TMEM116: variants seen among roughly 807,000 people sequenced by gnomAD.
The protein encoded by TMEM116 is transmembrane protein 116.
Under a neutral mutation model 44.3 loss-of-function variants are expected in TMEM116, and 38 were observed. The ratio of observed to expected loss-of-function variants is 0.86; its 90% CI spans 0.66 to 1.12. TMEM116 has a LOEUF of 1.12. Among genes scored for constraint, TMEM116 ranks in the 50% most tolerant of loss-of-function variants. The pLI, the probability that TMEM116 is intolerant of heterozygous loss-of-function variation, is 0.00. For synonymous variants in TMEM116, 132 were observed against 144.8 expected, an observed-to-expected ratio of 0.91 and a Z score of 0.64; for missense variants, 354 against 401.7, an observed-to-expected ratio of 0.88 and a Z score of 1.01.
chr12:111,992,171 G>A (rs1390486758), intron 3 of TMEM116, among the ~76,000 whole-genome samples: 1 of 151,974 alleles, frequency 6.6e-6, no homozygotes, highest in African/African-American at 2.4e-5. Context: ...CTTAGGTATA[G>A]GGTTAAAAAA....
intron 4 of TMEM116, among the ~76,000 whole-genome samples, chr12:111,962,162 A>G (rs1050942011): frequency 2.6e-5 from 4 of 152,256 alleles, no homozygotes; most frequent in Admixed American, 6.5e-5. Flanking sequence ...GAAGGAAATA[A>G]GAGAGGACAC....
Position 112,013,026 on chromosome 12 carries a change from A to C in TMEM116, c.-58T>G, listed in dbSNP as rs1043954002. On this transcript the variant is annotated 5_prime_UTR_variant, in exon 1 of 11. Transcript: ENST00000552374. ...CCGAGGGTTGGAGCGGGTCCCAACC[A>C]ACTGCCTGACGGCCCAAAGGCAGGA... 3.1e-5 allele frequency: 5 copies of C among 162,224 alleles called. No homozygotes were observed. Among genetic ancestry groups the C allele is most frequent in the Admixed American group, 2.6e-4 (4 of 15,472 alleles). The allele number at this position is 162,224 out of a possible 1,614,324, so 10.0% of individuals were successfully genotyped here.
intron 4 of TMEM116, among the ~76,000 whole-genome samples, chr12:111,946,920 G>C (rs1230872140): frequency 6.6e-6 from 1 of 152,018 alleles, no homozygotes; most frequent in Non-Finnish European, 1.5e-5. Context: ...GCAACCTCCA[G>C]CATAAATGGG....
rs181679415 is a variant in TMEM116, at chr12:111,958,537, A to T, written c.211-15168T>A. Among the ~76,000 whole-genome samples the T allele has an allele frequency of 5.9e-3, 896 of 152,278 alleles. 11 individuals are homozygous for T. The highest frequency in any genetic ancestry group is 0.02 in the African/African-American group (845 of 41,554). ...AAGTAGGCTTCAGAAGGTGGGTAAT[A>T]ACAAACTCCTCTGAGTTAAAGGAGC... On this transcript the variant is annotated intron_variant, in intron 4 of 10. Coordinates refer to ENST00000552374, the MANE Select transcript of TMEM116 (RefSeq NM_001193531.2).
chr12:111,991,898 G>C lies in TMEM116; in HGVS notation c.79-9C>G. The C allele has an allele frequency of 6.5e-7, 1 of 1,533,646 alleles. No individual in the cohort carries two copies. Among genetic ancestry groups the C allele is most frequent in the Non-Finnish European group, 8.7e-7 (1 of 1,145,166 alleles). ...TAAAAAAGTGGTCTTATCTGTCAAA[G>C]TAATAAAATCCTCATTTCATATGTG... is the stretch of plus-strand genomic sequence containing the variant. On this transcript the variant is annotated splice_polypyrimidine_tract_variant and intron_variant, in intron 3 of 10. Transcript: ENST00000552374.
At chr12:111,935,992 A>T (rs1197261844) in intron 8 of TMEM116, 1 of 152,160 alleles carries the variant, frequency 6.6e-6, no homozygotes, top group Non-Finnish European at 1.5e-5. Flanking sequence ...GAAATTCCCC[A>T]TAACTGTATC....
intron 4 of TMEM116, among the ~76,000 whole-genome samples, chr12:111,961,273 G>T (rs769084990): frequency 2.6e-5 from 4 of 152,146 alleles, no homozygotes; most frequent in African/African-American, 9.7e-5. Context: ...CATTTCTTCC[G>T]AAACTATTTC....
chr12:111,990,671 A>T (rs2076507776), intron 4 of TMEM116, among the ~76,000 whole-genome samples: 1 of 152,222 alleles, frequency 6.6e-6, no homozygotes, highest in Admixed American at 6.5e-5. Flanking sequence ...TTAAACCTTT[A>T]CTTTTTTCAC....
At position 111,948,017 on chromosome 12, in the gene TMEM116, A is replaced by G. The variant is rs370669716; in HGVS notation, c.211-4648T>C. Among the ~76,000 whole-genome samples, 14 of 152,348 alleles carry G rather than the reference A, an allele frequency of 9.2e-5. No homozygotes were observed. In the East Asian group the frequency reaches 2.5e-3, roughly 27 times the overall value. The stretch of plus-strand genomic sequence containing the variant: ...TCCTGTTGGGACTCAGGAAAAAGAA[A>G]AAACACTGTTGGTTCTTTACTTAAA... On this transcript the variant is annotated intron_variant, in intron 4 of 10. Transcript: ENST00000552374.
intron 1 of TMEM116, among the ~76,000 whole-genome samples, chr12:112,007,078 T>C (rs896045201): frequency 2.6e-5 from 4 of 152,146 alleles, no homozygotes; most frequent in African/African-American, 7.2e-5. Context: ...GAATAGCCAT[T>C]GCACTCCATC....
At chr12:111,993,484 T>G (rs1398654399) in intron 3 of TMEM116, 4 of 547,688 alleles carry the variant, frequency 7.3e-6, no homozygotes, top group Non-Finnish European at 1.4e-5. Flanking sequence ...TGTATTTGGC[T>G]GCCTCTGCCA....
chr12:112,007,679 T>C (rs867171201), intron 1 of TMEM116, among the ~76,000 whole-genome samples: 1 of 152,314 alleles, frequency 6.6e-6, no homozygotes, highest in Middle Eastern at 3.4e-3. Flanking sequence ...TTTCACCAAG[T>C]AATAAGAAAA....
chr12:111,937,721 A>G (rs1316908851), intron 6 of TMEM116, among the ~76,000 whole-genome samples: 1 of 152,222 alleles, frequency 6.6e-6, no homozygotes. Flanking sequence ...AGATCCAGGA[A>G]CAAAAGTCAC....
At chr12:111,974,285 C>T (rs992968998) in intron 4 of TMEM116, among the ~76,000 whole-genome samples, 1 of 152,122 alleles carries the variant, frequency 6.6e-6, no homozygotes, top group Admixed American at 6.5e-5. Flanking sequence ...ACAGGACTGT[C>T]CACTTTCACC....
At chr12:111,939,482 A>C (rs1265654566) in intron 5 of TMEM116, among the ~76,000 whole-genome samples, 1 of 149,222 alleles carries the variant, frequency 6.7e-6, no homozygotes, top group Non-Finnish European at 1.5e-5. Context: ...AGTTTATGGC[A>C]GAAGTCTTGC....
At chr12:111,972,588 A>G (rs544014411) in intron 4 of TMEM116, among the ~76,000 whole-genome samples, 17 of 152,306 alleles carry the variant, frequency 1.1e-4, no homozygotes, top group African/African-American at 4.1e-4. Flanking sequence ...TAGACCATAA[A>G]ATAAGTCTTG....
At chr12:112,008,841 G>C (rs1453745466) in intron 1 of TMEM116, among the ~76,000 whole-genome samples, 2 of 151,960 alleles carry the variant, frequency 1.3e-5, no homozygotes, top group African/African-American at 4.8e-5. Flanking sequence ...CAGGCATGGT[G>C]GTGGGTGCCT....
At chr12:111,943,411 T>A in intron 4 of TMEM116, 42 bp from the exon 5 acceptor site, 2 of 1,396,234 alleles carry the variant, frequency 1.4e-6, no homozygotes, top group Non-Finnish European at 2.0e-6. Context: ...TATCTCACTC[T>A]GACACTGTGA....
At chr12:111,974,960 T>C (rs1193399500) in intron 4 of TMEM116, among the ~76,000 whole-genome samples, 2 of 152,366 alleles carry the variant, frequency 1.3e-5, no homozygotes, top group African/African-American at 4.8e-5. Flanking sequence ...GAAAGACCTA[T>C]ATACTTGAAA....
Sources: gnomAD v4.1 joint callset for allele counts (sites outside exome capture counted in the v4.1 genomes callset) on GRCh38, gnomAD v4.1.1 for gene constraint, MANE v1.5 for transcripts, NCBI Gene and HGNC (gene_info 2026-07-23, HGNC 2026-07-21) for gene names.